Variants in DCLK1 observed in about 807,000 individuals in gnomAD.
DCLK1 encodes doublecortin like kinase 1.
Under a neutral mutation model 86.2 loss-of-function variants are expected in DCLK1, and 16 were observed. The observed-to-expected ratio is 0.19, with a 90% confidence interval of 0.13 to 0.28. The LOEUF (loss-of-function observed/expected upper bound fraction) is 0.28. DCLK1 is among the 10% of genes least tolerant of loss of function. DCLK1 has a pLI of 1.00. For synonymous variants in DCLK1, 369 were observed against 370.5 expected (o/e 1.00, Z 0.05); for missense variants, 590 against 940.2 (o/e 0.63, Z 4.87).
intron 3 of DCLK1, among the ~76,000 whole-genome samples, chr13:36,060,565 T>C (rs1926334): frequency 0.21 from 32,685 of 152,094 alleles, 4,097 homozygotes; most frequent in Non-Finnish European, 0.28. Flanking sequence ...TTGTGTGTCC[T>C]AGCGTGTGTG....
chr13:35,919,817 T>C (rs954981741), intron 4 of DCLK1, among the ~76,000 whole-genome samples: 2 of 145,894 alleles, frequency 1.4e-5, no homozygotes, highest in African/African-American at 5.1e-5. Context: ...TTTTTTTTCA[T>C]TAAAAAAAAG....
intron 10 of DCLK1, among the ~76,000 whole-genome samples, chr13:35,826,214 G>C (rs1868402618): frequency 1.3e-5 from 2 of 151,646 alleles, no homozygotes; most frequent in Admixed American, 6.6e-5. Context: ...CTAAAAAAAG[G>C]CTCCCATTCT....
chr13:36,080,110 G>GA (rs60303979), intron 3 of DCLK1, among the ~76,000 whole-genome samples: 47,164 of 151,054 alleles, frequency 0.31, 7,440 homozygotes, highest in South Asian at 0.51. Context: ...AGGAGTTATG[G>GA]AAAAAAAAAT....
At chr13:35,826,514 A>G (rs779429059) in intron 10 of DCLK1, among the ~76,000 whole-genome samples, 13 of 64,886 alleles carry the variant, frequency 2.0e-4, no homozygotes, top group Non-Finnish European at 4.9e-4. Context: ...CAAGAGCAAA[A>G]CTCCATCTCA....
At chr13:35,977,175 T>C (rs1470690807) in intron 3 of DCLK1, among the ~76,000 whole-genome samples, 1 of 152,200 alleles carries the variant, frequency 6.6e-6, no homozygotes, top group East Asian at 1.9e-4. Context: ...TATCAACTGT[T>C]CCAAATATAT....
chr13:35,939,124 C>T (rs954724729), intron 4 of DCLK1, among the ~76,000 whole-genome samples: 17 of 152,054 alleles, frequency 1.1e-4, no homozygotes, highest in African/African-American at 3.6e-4. Flanking sequence ...TAGCTATGAT[C>T]GGGAACGTCT....
At chr13:36,074,506 A>C (rs1298876187) in intron 3 of DCLK1, among the ~76,000 whole-genome samples, 5 of 88,856 alleles carry the variant, frequency 5.6e-5, no homozygotes, top group African/African-American at 1.7e-4. Flanking sequence ...AAAAAAAAAA[A>C]AAAAAAAAAA....
At chr13:35,956,328 T>C (rs1367115688) in intron 3 of DCLK1, among the ~76,000 whole-genome samples, 1 of 152,172 alleles carries the variant, frequency 6.6e-6, no homozygotes, top group Admixed American at 6.6e-5. Context: ...ACTTATATTC[T>C]ATTGCTGAGA....
intron 3 of DCLK1, among the ~76,000 whole-genome samples, chr13:36,076,899 T>C (rs1396689303): frequency 6.6e-6 from 1 of 152,226 alleles, no homozygotes; most frequent in Non-Finnish European, 1.5e-5. Context: ...GTTTCTTCTT[T>C]CACATATTTT....
intron 4 of DCLK1, among the ~76,000 whole-genome samples, chr13:35,906,428 A>G (rs7317635): frequency 6.6e-6 from 1 of 151,876 alleles, no homozygotes; most frequent in Non-Finnish European, 1.5e-5. Flanking sequence ...TTAAAGAGCT[A>G]TGAGATTTCT....
chr13:35,871,512 G>A (rs566797002), intron 4 of DCLK1, among the ~76,000 whole-genome samples, 172 bp from the exon 5 acceptor site: 1 of 152,222 alleles, frequency 6.6e-6, no homozygotes, highest in East Asian at 1.9e-4. Context: ...AAAGAGGAAG[G>A]ACAGGGTGGG....
At chr13:35,974,328 C>T (rs1225672181) in intron 3 of DCLK1, among the ~76,000 whole-genome samples, 1 of 152,098 alleles carries the variant, frequency 6.6e-6, no homozygotes, top group African/African-American at 2.4e-5. Context: ...TTGCTACTGT[C>T]CTTACACAAA....
At chr13:35,783,685 A>G (rs1181311940) in intron 16 of DCLK1, among the ~76,000 whole-genome samples, 3 of 151,998 alleles carry the variant, frequency 2.0e-5, no homozygotes, top group African/African-American at 7.2e-5. Flanking sequence ...CCCGGGCCCA[A>G]ATGATTCTCC....
At chr13:35,781,004 A>C (rs1201463731) in intron 16 of DCLK1, among the ~76,000 whole-genome samples, 1 of 152,252 alleles carries the variant, frequency 6.6e-6, no homozygotes, top group African/African-American at 2.4e-5. Flanking sequence ...TATCCTCCAC[A>C]TGTGCTCAGA....
intron 3 of DCLK1, among the ~76,000 whole-genome samples, chr13:36,088,774 C>T (rs892009725): frequency 1.3e-5 from 2 of 152,182 alleles, no homozygotes; most frequent in Admixed American, 1.3e-4. Context: ...AACCAAAATA[C>T]TTTATTCTAC....
intron 3 of DCLK1, among the ~76,000 whole-genome samples, chr13:35,999,389 T>C (rs2153145507): frequency 6.6e-6 from 1 of 152,238 alleles, no homozygotes; most frequent in Non-Finnish European, 1.5e-5. Flanking sequence ...CTGAATGGAA[T>C]CCTCCTAAGT....
intron 3 of DCLK1, among the ~76,000 whole-genome samples, chr13:36,003,524 T>C (rs546046992): frequency 6.6e-6 from 1 of 152,298 alleles, no homozygotes; most frequent in South Asian, 2.1e-4. Context: ...ACAAGAAATA[T>C]TTGCTGAGAC....
At chr13:35,779,016 ATTTAT>A (rs2086476403) in intron 16 of DCLK1, among the ~76,000 whole-genome samples, 1 of 151,882 alleles carries the variant, frequency 6.6e-6, no homozygotes, top group South Asian at 2.1e-4. Context: ...AAATTTATTT[ATTTAT>A]TTATTTTTAT....
intron 3 of DCLK1, among the ~76,000 whole-genome samples, chr13:35,978,840 G>A (rs561449738): frequency 3.3e-5 from 5 of 152,176 alleles, no homozygotes; most frequent in South Asian, 4.2e-4. Context: ...ATGAATTATC[G>A]GAATGATGGA....
Sources: allele counts gnomAD v4.1 joint callset (sites outside exome capture counted in the v4.1 genomes callset), GRCh38; gene constraint gnomAD v4.1.1; transcripts MANE v1.5; gene names NCBI Gene and HGNC (gene_info 2026-07-23, HGNC 2026-07-21).